The following RALB variants were observed in gnomAD, a reference collection of about 807,000 sequenced individuals.
RALB encodes the protein RAS like proto-oncogene B.
RALB carries 16 observed loss-of-function variants against 21.3 expected under a neutral mutation model. The ratio of observed to expected loss-of-function variants is 0.75; its 90% CI spans 0.51 to 1.14. The LOEUF (loss-of-function observed/expected upper bound fraction) is 1.14, where lower values mean the gene tolerates loss of function less well. Among genes scored for constraint, RALB ranks in the 50% most tolerant of loss-of-function variants. The pLI is 0.00. For synonymous variants in RALB, 93 were observed against 96.1 expected, an observed-to-expected ratio of 0.97 and a Z score of 0.19; for missense variants, 161 against 256.2, an observed-to-expected ratio of 0.63 and a Z score of 2.54.
At chr2:120,279,293 T>C (rs1390424634) in intron 2 of RALB, among the ~76,000 whole-genome samples, 1 of 152,124 alleles carries the variant, frequency 6.6e-6, no homozygotes, top group Non-Finnish European at 1.5e-5. Context: ...TCACTGGTGT[T>C]GAGTTCAGTG....
rs190738825 is a variant in RALB at position 120,253,905 on chromosome 2, G to A, written c.-48+925G>A. 2.2e-4 allele frequency among the ~76,000 whole-genome samples: 34 copies of A among 152,268 alleles called. 1 individual carries two copies. In the East Asian group the frequency reaches 6.4e-3, roughly 28 times the overall value. On this transcript the variant is annotated intron_variant, in intron 1 of 4. Coordinates refer to ENST00000272519, the MANE Select transcript of RALB (RefSeq NM_002881.3). The stretch of plus-strand genomic sequence containing the variant: ...ACCTCATTTCTTCTGAAGTTTTGGG[G>A]ATGGATGGTGGGCATGGAGTATCAG...
At chr2:120,268,403 G>A (rs975162390) in intron 1 of RALB, among the ~76,000 whole-genome samples, 7 of 152,192 alleles carry the variant, frequency 4.6e-5, no homozygotes, top group African/African-American at 1.4e-4. Flanking sequence ...TTTACCTTAC[G>A]TTTGTTTTTA....
upstream of RALB, among the ~76,000 whole-genome samples, chr2:120,249,536 G>A (rs979446224): frequency 3.9e-5 from 6 of 152,160 alleles, no homozygotes; most frequent in East Asian, 1.9e-4. Flanking sequence ...TACTGAGAGC[G>A]GGGATAAGAA....
At chr2:120,271,086 A>G (rs1330176842) in intron 1 of RALB, among the ~76,000 whole-genome samples, 1 of 152,186 alleles carries the variant, frequency 6.6e-6, no homozygotes, top group Non-Finnish European at 1.5e-5. Flanking sequence ...GATTTTCATG[A>G]CAACCCTATG....
chr2:120,265,219 C>T (rs1689473050), intron 1 of RALB, among the ~76,000 whole-genome samples: 2 of 152,226 alleles, frequency 1.3e-5, no homozygotes. Context: ...TAGCTTACTA[C>T]TCACCTAGCC....
intron 1 of RALB, among the ~76,000 whole-genome samples, chr2:120,246,012 C>T (rs568461496): frequency 1.3e-5 from 2 of 152,314 alleles, no homozygotes; most frequent in South Asian, 4.1e-4. Context: ...CTGGGGCCTT[C>T]TCAGGTATGT....
At chr2:120,251,310 C>G (rs1255185051), upstream of RALB, among the ~76,000 whole-genome samples, 4 of 152,330 alleles carry the variant, frequency 2.6e-5, no homozygotes, top group African/African-American at 7.2e-5. Flanking sequence ...AAGGCTGTAC[C>G]AGATTGGTGA....
At chr2:120,273,495 C>T (rs1221533661) in intron 1 of RALB, among the ~76,000 whole-genome samples, 5 of 152,180 alleles carry the variant, frequency 3.3e-5, no homozygotes, top group African/African-American at 1.2e-4. Context: ...AGGAAGGAGG[C>T]CTATATTTTA....
At chr2:120,286,147 G>T in intron 3 of RALB, 65 bp downstream of exon 3, 1 of 1,399,154 alleles carries the variant, frequency 7.1e-7, no homozygotes, top group Non-Finnish European at 1.0e-6. Context: ...TATGTCTTAG[G>T]CCTATGAAGA....
chr2:120,290,372 C>T (rs926577070), intron 4 of RALB, among the ~76,000 whole-genome samples: 3 of 152,178 alleles, frequency 2.0e-5, no homozygotes, highest in Non-Finnish European at 2.9e-5. Flanking sequence ...GAGGGATGGA[C>T]GTCATTAGCT....
intron 1 of RALB, among the ~76,000 whole-genome samples, chr2:120,256,479 G>A (rs893087739): frequency 2.6e-5 from 4 of 151,956 alleles, no homozygotes; most frequent in African/African-American, 9.7e-5. Context: ...ATTGAATCAT[G>A]AGGGCAGTTT....
At chr2:120,254,024 T>C (rs1689130202) in intron 1 of RALB, among the ~76,000 whole-genome samples, 1 of 152,098 alleles carries the variant, frequency 6.6e-6, no homozygotes, top group Admixed American at 6.5e-5. Context: ...CGGTCAAGGC[T>C]CAGAATGCTC....
At chr2:120,269,851 G>T (rs904063816) in intron 1 of RALB, among the ~76,000 whole-genome samples, 6 of 152,164 alleles carry the variant, frequency 3.9e-5, no homozygotes, top group African/African-American at 1.2e-4. Context: ...CCTGGAAGAG[G>T]TTTACATTCA....
chr2:120,248,280 G>T (rs868134460), upstream of RALB, among the ~76,000 whole-genome samples: 58 of 152,068 alleles, frequency 3.8e-4, no homozygotes, highest in African/African-American at 1.4e-3. Flanking sequence ...TAATAATACG[G>T]TCTATGAATA....
intron 1 of RALB, among the ~76,000 whole-genome samples, chr2:120,261,052 T>C (rs1351678222): frequency 6.6e-6 from 1 of 152,232 alleles, no homozygotes; most frequent in East Asian, 1.9e-4. Flanking sequence ...TGAATCAGAA[T>C]ATGCGTTTTC....
chr2:120,248,707 C>T (rs192001393), upstream of RALB, among the ~76,000 whole-genome samples: 15 of 152,350 alleles, frequency 9.8e-5, no homozygotes, highest in East Asian at 2.7e-3. Flanking sequence ...GGCTAGGGTG[C>T]AGTGGCACGA....
intron 1 of RALB, among the ~76,000 whole-genome samples, chr2:120,263,208 G>A (rs1214101749): frequency 1.3e-5 from 2 of 151,988 alleles, no homozygotes; most frequent in African/African-American, 2.4e-5. Flanking sequence ...TCTCACTGTC[G>A]CCCAGGCTGG....
intron 4 of RALB, among the ~76,000 whole-genome samples, chr2:120,292,573 T>G (rs1050775323): frequency 1.3e-5 from 2 of 152,198 alleles, no homozygotes; most frequent in Admixed American, 1.3e-4. Context: ...CTCTCAATAT[T>G]TGTAAATTTT....
chr2:120,252,227 T>C (rs960886846), upstream of RALB, among the ~76,000 whole-genome samples: 1 of 152,074 alleles, frequency 6.6e-6, no homozygotes, highest in Admixed American at 6.5e-5. Flanking sequence ...GCTTGCCCAC[T>C]GCACTTCCTG....
Sources: allele counts gnomAD v4.1 joint callset (sites outside exome capture counted in the v4.1 genomes callset), GRCh38; gene constraint gnomAD v4.1.1; transcripts MANE v1.5; gene names NCBI Gene and HGNC (gene_info 2026-07-23, HGNC 2026-07-21).